The following ASAP1 variants were observed in gnomAD, a reference collection of about 807,000 sequenced individuals.
ASAP1 encodes ArfGAP with SH3 domain, ankyrin repeat and PH domain 1, also known as arf-GAP with SH3 domain, ANK repeat and PH domain-containing protein 1.
A neutral mutation model predicts 145.2 loss-of-function variants in ASAP1; 43 were observed. That is an observed-to-expected ratio of 0.30 (90% CI 0.23 to 0.38). The LOEUF (loss-of-function observed/expected upper bound fraction) is 0.38, where lower values mean the gene tolerates loss of function less well. Among genes scored for constraint, ASAP1 ranks in the 10% least tolerant of loss-of-function variants. The pLI, the probability that ASAP1 is intolerant of heterozygous loss-of-function variation, is 1.00. For synonymous variants in ASAP1, 546 were observed against 515.5 expected, an observed-to-expected ratio of 1.06 and a Z score of -0.80; for missense variants, 1,018 against 1,355.3, an observed-to-expected ratio of 0.75 and a Z score of 3.91.
Position 130,116,686 on chromosome 8 carries a change from C to T in ASAP1, c.2056G>A (p.Glu686Lys), listed in dbSNP as rs779971372. 6.8e-6 allele frequency: 11 copies of T among 1,614,042 alleles called. No homozygotes were observed. The highest frequency in any genetic ancestry group is 9.3e-6 in the Non-Finnish European group (11 of 1,179,932). Residue 686 changes from glutamate to lysine, a missense_variant, in exon 22 of 30, where the codon GAA becomes AAA. Around this residue, in one of 9 missense-constraint regions of ASAP1, gnomAD observed 353 missense variants for 375.4 expected, o/e 0.94. Coordinates refer to ENST00000518721, the MANE Select transcript of ASAP1 (RefSeq NM_018482.4). Reference sequence around the variant, plus strand: ...CGTCCATTTTTGCTTACCAGATCTTCACACTGGGTAGCTTTTAGTCTCTTT... The same window carrying T: ...CGTCCATTTTTGCTTACCAGATCTTTACACTGGGTAGCTTTTAGTCTCTTT... ...IAKRLKATQC[E>K]DLLSQAKSGK...
At chr8:130,238,276 C>T (rs1199674554) in intron 3 of ASAP1, among the ~76,000 whole-genome samples, 1 of 152,150 alleles carries the variant, frequency 6.6e-6, no homozygotes, top group Non-Finnish European at 1.5e-5. Flanking sequence ...TTTCTGGTCA[C>T]ATCAGCTTAA....
At chr8:130,113,584 A>G (rs2097550031) in intron 23 of ASAP1, among the ~76,000 whole-genome samples, 1 of 152,202 alleles carries the variant, frequency 6.6e-6, no homozygotes, top group African/African-American at 2.4e-5. Flanking sequence ...GAAATGTCCA[A>G]TACATAGGCA....
At chr8:130,163,925 TAG>T (rs1411146561) in intron 11 of ASAP1, among the ~76,000 whole-genome samples, 4 of 152,164 alleles carry the variant, frequency 2.6e-5, no homozygotes, top group Admixed American at 2.6e-4. Flanking sequence ...TATTAAGAGG[TAG>T]AGTCTCAAAT....
At position 130,378,262 on chromosome 8, in the gene ASAP1, G is replaced by A. The variant is rs552529456; in HGVS notation, c.60-20119C>T. Among the ~76,000 whole-genome samples the A allele has an allele frequency of 7.9e-5, 12 of 152,332 alleles. No individual in the cohort carries two copies. In the East Asian group the frequency reaches 2.1e-3, roughly 27 times the overall value. Reference sequence around the variant, plus strand: ...TAGCAGGGATTCCTATATAGTTAATGGTGCAATTCCTTTAATAAAGCAAGT... The same window carrying A: ...TAGCAGGGATTCCTATATAGTTAATAGTGCAATTCCTTTAATAAAGCAAGT... On this transcript the variant is annotated intron_variant, in intron 2 of 29. Transcript: ENST00000518721.
intron 3 of ASAP1, chr8:130,340,707 T>C (rs1453506448): frequency 6.8e-6 from 2 of 292,592 alleles, no homozygotes; most frequent in Non-Finnish European, 1.4e-5. Context: ...GTTGTGCAAT[T>C]TGGGCATTTA....
intron 27 of ASAP1, among the ~76,000 whole-genome samples, chr8:130,074,571 G>C (rs1351973203): frequency 6.6e-6 from 1 of 151,856 alleles, no homozygotes; most frequent in African/African-American, 2.4e-5. Flanking sequence ...GCCCTGATAG[G>C]GCAAGTCAGA....
intron 1 of ASAP1, among the ~76,000 whole-genome samples, chr8:130,438,831 C>T (rs1830400715): frequency 2.6e-5 from 4 of 152,192 alleles, no homozygotes; most frequent in Admixed American, 2.6e-4. Flanking sequence ...TGCATCACTA[C>T]AGCCACGGTA....
intron 13 of ASAP1, among the ~76,000 whole-genome samples, chr8:130,139,150 A>G (rs1346521853): frequency 6.6e-6 from 1 of 152,190 alleles, no homozygotes. Context: ...AGATGATTGA[A>G]AGGGTGGAAA....
At chr8:130,431,182 T>G (rs1830122175) in intron 1 of ASAP1, among the ~76,000 whole-genome samples, 1 of 152,118 alleles carries the variant, frequency 6.6e-6, no homozygotes, top group Non-Finnish European at 1.5e-5. Flanking sequence ...CCTCCCCATC[T>G]TCCCTCCCAG....
intron 4 of ASAP1, among the ~76,000 whole-genome samples, chr8:130,216,817 A>C (rs1307194384): frequency 6.6e-6 from 1 of 151,908 alleles, no homozygotes; most frequent in Non-Finnish European, 1.5e-5. Context: ...CTAAAACCAA[A>C]CTCTTGATCT....
rs769513186 is a variant in ASAP1 at position 130,118,527 on chromosome 8, C to T, written c.1756G>A (p.Gly586Arg). The change falls in exon 19 of 30, where the codon GGG becomes AGG. Residue 586 changes from glycine to arginine, a missense_variant. By Grantham distance (125) the Gly-to-Arg change is moderately radical. Transcript: ENST00000518721. ...LLALIQVYAE[G>R]VELMEPLLEP... ...AGCAGTGGTTCCATTAGCTCTACCC[C>T]TTCTGCATAGACTTGAATTAGTGCA... 6.2e-7 allele frequency: 1 copy of T among 1,613,864 alleles called. No homozygotes were observed. The highest frequency in any genetic ancestry group is 8.5e-7 in the Non-Finnish European group (1 of 1,179,898).
In ASAP1 at chr8:130,112,365, C is replaced by A. The variant is rs368004662; in HGVS notation, c.2173-43G>T. The A allele has an allele frequency of 3.5e-5, 55 of 1,574,562 alleles. No homozygotes were observed. In the African/African-American group the frequency reaches 6.9e-4, roughly 20 times the overall value. ...AAGGTGAGATAATAATCAAGGACCA[C>A]CCTTCATGTGTACAGAGGGCCTCCG... On this transcript the variant is annotated intron_variant, in intron 23 of 29. Coordinates refer to ENST00000518721, the MANE Select transcript of ASAP1 (RefSeq NM_018482.4).
chr8:130,313,100 TCACATAAC>T (rs1823459434), intron 3 of ASAP1, among the ~76,000 whole-genome samples: 1 of 152,218 alleles, frequency 6.6e-6, no homozygotes, highest in South Asian at 2.1e-4. Context: ...AAGTACATTT[TCACATAAC>T]CAAGTGCTTA....
At chr8:130,190,438 C>T (rs1815060569) in intron 5 of ASAP1, among the ~76,000 whole-genome samples, 2 of 152,018 alleles carry the variant, frequency 1.3e-5, no homozygotes, top group African/African-American at 4.8e-5. Context: ...TTCTTGGTGC[C>T]TTTGTCAAAA....
chr8:130,120,389 A>G (rs573789044), intron 18 of ASAP1, among the ~76,000 whole-genome samples: 2 of 152,378 alleles, frequency 1.3e-5, no homozygotes, highest in East Asian at 3.9e-4. Flanking sequence ...GACCCTGGGT[A>G]AATCAAGTTC....
chr8:130,168,575 G>A (rs767525147), intron 10 of ASAP1, among the ~76,000 whole-genome samples: 100 of 152,268 alleles, frequency 6.6e-4, no homozygotes, highest in Non-Finnish European at 1.1e-3. Flanking sequence ...GGGCGACAGA[G>A]TGAGACTCTG....
intron 3 of ASAP1, among the ~76,000 whole-genome samples, chr8:130,334,064 G>T (rs1423193462): frequency 6.6e-6 from 1 of 152,154 alleles, no homozygotes; most frequent in Non-Finnish European, 1.5e-5. Context: ...AGATGAGTAG[G>T]TGTTCATCTG....
intron 20 of ASAP1, among the ~76,000 whole-genome samples, chr8:130,117,408 T>C (rs995051159): frequency 3.3e-5 from 5 of 152,230 alleles, no homozygotes; most frequent in Non-Finnish European, 5.9e-5. Flanking sequence ...GCCAATGTTT[T>C]GAGCCACTAT....
chr8:130,188,248 G>T, intron 5 of ASAP1, 65 bp from the exon 6 acceptor site: 1 of 1,282,160 alleles, frequency 7.8e-7, no homozygotes, highest in Non-Finnish European at 1.1e-6. Context: ...AATAAAACCA[G>T]CTACTATTGA....
Sources: gnomAD v4.1 joint callset for allele counts (sites outside exome capture counted in the v4.1 genomes callset) on GRCh38, gnomAD v4.1.1 for gene constraint, gnomAD v4.1.1 regional missense constraint, MANE v1.5 for transcripts, NCBI Gene and HGNC (gene_info 2026-07-23, HGNC 2026-07-21) for gene names.